Variants in CCSER2 observed in about 807,000 individuals in gnomAD.
The protein encoded by CCSER2 is coiled-coil serine rich protein 2, also known as serine-rich coiled-coil domain-containing protein 2.
Under a neutral mutation model 92.3 loss-of-function variants are expected in CCSER2, and 46 were observed. That is an observed-to-expected ratio of 0.50 (90% CI 0.39 to 0.64). CCSER2 has a LOEUF of 0.64. Among genes scored for constraint, CCSER2 ranks in the 30% least tolerant of loss-of-function variants. The probability of loss-of-function intolerance (pLI) is 0.00; values close to 1 mark genes in which losing one functional copy is unlikely to be tolerated. For synonymous variants in CCSER2, 433 were observed against 431.4 expected, an observed-to-expected ratio of 1.00 and a Z score of -0.04; for missense variants, 1,244 against 1,238.9, an observed-to-expected ratio of 1.00 and a Z score of -0.06.
At chr10:84,375,350 T>G (rs1381423324) in intron 3 of CCSER2, among the ~76,000 whole-genome samples, 1 of 152,136 alleles carries the variant, frequency 6.6e-6, no homozygotes, top group Non-Finnish European at 1.5e-5. Flanking sequence ...TTTCTGTCTT[T>G]CTCTTCTGAT....
At chr10:84,379,690 T>A (rs1319592565) in intron 3 of CCSER2, among the ~76,000 whole-genome samples, 1 of 152,180 alleles carries the variant, frequency 6.6e-6, no homozygotes, top group African/African-American at 2.4e-5. Context: ...CATTTATATA[T>A]CCATGAACAA....
At chr10:84,492,521 A>C (rs1382231424) in intron 9 of CCSER2, among the ~76,000 whole-genome samples, 1 of 152,182 alleles carries the variant, frequency 6.6e-6, no homozygotes, top group Non-Finnish European at 1.5e-5. Context: ...AAGAATTATG[A>C]GAATGGGCAT....
intron 7 of CCSER2, among the ~76,000 whole-genome samples, chr10:84,465,865 C>T (rs1381171280): frequency 6.6e-6 from 1 of 152,070 alleles, no homozygotes; most frequent in Non-Finnish European, 1.5e-5. Flanking sequence ...ATTCTTCTGC[C>T]TCAGCCTCCC....
At chr10:84,441,909 A>ACCAC (rs1190659584) in intron 6 of CCSER2, among the ~76,000 whole-genome samples, 11 of 151,270 alleles carry the variant, frequency 7.3e-5, no homozygotes, top group African/African-American at 2.7e-4. Flanking sequence ...GGCGCCCACC[A>ACCAC]CCACGCCCGG....
intron 1 of CCSER2, among the ~76,000 whole-genome samples, chr10:84,361,137 T>G (rs1302093471): frequency 6.6e-6 from 1 of 152,234 alleles, no homozygotes; most frequent in Non-Finnish European, 1.5e-5. Context: ...GAGGGGGCTT[T>G]CTTATATGTT....
chr10:84,364,954 C>G (rs1352400333), intron 1 of CCSER2, among the ~76,000 whole-genome samples: 2 of 151,922 alleles, frequency 1.3e-5, no homozygotes, highest in East Asian at 3.9e-4. Context: ...ATTGGCCAGG[C>G]TGGTCTCGAA....
chr10:84,391,295 A>G lies in CCSER2; in HGVS notation c.1614+17480A>G. ...ATATGAAGCTCCAGATAAAGATTTT[A>G]TGTTAGTGTCTCTTGATTTACTGAG... On this transcript the variant is annotated intron_variant, in intron 3 of 9. Coordinates refer to ENST00000372088, the MANE Select transcript of CCSER2 (RefSeq NM_001284240.2). 1.5e-5 allele frequency: 22 copies of G among 1,465,648 alleles called. No homozygotes were observed. The South Asian group carries it at 2.0e-4, about 14-fold the overall frequency. 90.8% of individuals were successfully genotyped at this position (1,465,648 alleles called of 1,614,324 possible).
At chr10:84,410,877 T>C (rs1419658252) in intron 3 of CCSER2, among the ~76,000 whole-genome samples, 1 of 152,218 alleles carries the variant, frequency 6.6e-6, no homozygotes, top group Non-Finnish European at 1.5e-5. Context: ...GATTTTCTTC[T>C]AGGGTTTTTA....
At chr10:84,331,152 A>G (rs1341190551) in intron 1 of CCSER2, among the ~76,000 whole-genome samples, 1 of 152,186 alleles carries the variant, frequency 6.6e-6, no homozygotes, top group Admixed American at 6.5e-5. Context: ...CTAAAAAGAC[A>G]ACTTGTTTGA....
intron 7 of CCSER2, among the ~76,000 whole-genome samples, chr10:84,468,754 T>C (rs1393821979): frequency 1.3e-5 from 2 of 152,200 alleles, no homozygotes; most frequent in South Asian, 2.1e-4. Context: ...CACCTTGTTA[T>C]AGGTTTTCTC....
At chr10:84,509,970 C>T (rs1018810189) in intron 9 of CCSER2, among the ~76,000 whole-genome samples, 1 of 152,118 alleles carries the variant, frequency 6.6e-6, no homozygotes, top group Non-Finnish European at 1.5e-5. Flanking sequence ...CAATTTCGTC[C>T]CCACTGGTTA....
chr10:84,459,164 C>T lies in CCSER2; in HGVS notation c.2065-4769C>T, dbSNP rs55769472. 5.0e-3 allele frequency among the ~76,000 whole-genome samples: 766 copies of T among 152,142 alleles called. 9 individuals are homozygous for T. Among genetic ancestry groups the T allele is most frequent in the African/African-American group, 0.017 (703 of 41,494 alleles). ...CTGGAATTACAGGCATGTGCCACCA[C>T]GCTTGGTTAATTTTTGTATTTTTAG... On this transcript the variant is annotated intron_variant, in intron 6 of 9. Transcript: ENST00000372088.
chr10:84,415,658 A>T (rs1033052321), intron 3 of CCSER2, among the ~76,000 whole-genome samples: 2 of 152,168 alleles, frequency 1.3e-5, no homozygotes, highest in African/African-American at 4.8e-5. Context: ...CTACTTAAAG[A>T]AGTAGTCTGG....
At chr10:84,389,448 C>A in intron 3 of CCSER2, 1 of 421,790 alleles carries the variant, frequency 2.4e-6, no homozygotes, top group South Asian at 1.8e-5. Context: ...GGTACCACGT[C>A]AATCTGGGCC....
chr10:84,482,371 A>G (rs778159638), intron 9 of CCSER2, among the ~76,000 whole-genome samples: 1 of 152,222 alleles, frequency 6.6e-6, no homozygotes, highest in African/African-American at 2.4e-5. Context: ...ATTACTGTGA[A>G]TACTGCTGGA....
rs1364442256 is a variant in CCSER2, at chr10:84,476,945, T to C, written c.2236-630T>C. 2.0e-5 allele frequency among the ~76,000 whole-genome samples: 3 copies of C among 152,150 alleles called. No homozygotes were observed. The East Asian group carries it at 5.8e-4, about 29-fold the overall frequency. ...TCAGTCCAGTAAAGTCAATACATCA[T>C]GAAAGAGGCTTCATCACACTGCACA... On this transcript the variant is annotated intron_variant, in intron 8 of 9. Transcript: ENST00000372088.
intron 9 of CCSER2, among the ~76,000 whole-genome samples, chr10:84,482,567 A>G (rs1847519020): frequency 6.6e-6 from 1 of 152,364 alleles, no homozygotes; most frequent in Non-Finnish European, 1.5e-5. Flanking sequence ...ATTTAAAAAT[A>G]TGAATATTCT....
At chr10:84,493,286 G>A (rs546301811) in intron 9 of CCSER2, among the ~76,000 whole-genome samples, 17 of 152,192 alleles carry the variant, frequency 1.1e-4, no homozygotes, top group Non-Finnish European at 2.4e-4. Context: ...AATGGCTGGA[G>A]GGTCTGTAGT....
chr10:84,402,006 TAATGAACTTA>T (rs1842142970), intron 3 of CCSER2, among the ~76,000 whole-genome samples: 1 of 152,228 alleles, frequency 6.6e-6, no homozygotes, highest in Non-Finnish European at 1.5e-5. Context: ...ACTTATTTGC[TAATGAACTTA>T]AAGTGACCAC....
Sources: allele counts gnomAD v4.1 joint callset (sites outside exome capture counted in the v4.1 genomes callset), GRCh38; gene constraint gnomAD v4.1.1; transcripts MANE v1.5; gene names NCBI Gene and HGNC (gene_info 2026-07-23, HGNC 2026-07-21).